ZNF750: variants seen among roughly 807,000 people sequenced by gnomAD.
ZNF750 encodes zinc finger protein 750.
In ZNF750, 10 loss-of-function variants were observed where a neutral mutation model predicts 31.6. That is an observed-to-expected ratio of 0.32 (90% confidence interval 0.19 to 0.54). ZNF750 has a LOEUF of 0.54. Ranked by LOEUF, ZNF750 falls within the 20% of genes least tolerant of loss-of-function variation. ZNF750 has a pLI of 0.95. For synonymous variants in ZNF750, 400 were observed against 404.9 expected (o/e 0.99, Z 0.15); for missense variants, 914 against 934.9 (o/e 0.98, Z 0.29).
At position 82,829,920 on chromosome 17, in the gene ZNF750, G is replaced by A. The variant is rs2053324470; in HGVS notation, c.*222C>T. On this transcript the variant is annotated 3_prime_UTR_variant, in exon 3 of 3. Coordinates refer to ENST00000269394, the MANE Select transcript of ZNF750 (RefSeq NM_024702.3). ...ACATATCAGTCTTAGAGTCATTCAG[G>A]TGTTTTTACAACCAAAAGTAGAAGC... The A allele has an allele frequency of 4.5e-6, 3 of 662,062 alleles. No homozygotes were observed. Among genetic ancestry groups the A allele is most frequent in the African/African-American group, 3.6e-5 (2 of 54,862 alleles). 41.0% of individuals were successfully genotyped at this position (662,062 alleles called of 1,614,324 possible). A position where few individuals can be genotyped will look rare whatever the true frequency, so the allele number is the denominator to read the frequency against.
chr17:82,838,715 AACCAAG>A (rs1431519709), intron 1 of ZNF750: 2 of 985,312 alleles, frequency 2.0e-6, no homozygotes, highest in Non-Finnish European at 2.4e-6. Context: ...ACCTCAGGAC[AACCAAG>A]ACCTGGGGAA....
At chr17:82,837,897 A>G (rs1265509030) in intron 1 of ZNF750, among the ~76,000 whole-genome samples, 3 of 152,370 alleles carry the variant, frequency 2.0e-5, no homozygotes, top group South Asian at 4.1e-4. Flanking sequence ...CAGTGTCTAC[A>G]CTAAAGGGCG....
Position 82,832,656 on chromosome 17 carries a change from T to C in ZNF750, c.-182-20A>G, listed in dbSNP as rs2053619969. On this transcript the variant is annotated intron_variant, in intron 1 of 2. Coordinates refer to ENST00000269394, the MANE Select transcript of ZNF750 (RefSeq NM_024702.3). This position sits in a 1 kb window ranked among gnomAD's most constrained non-coding sequence, Gnocchi z 4.9. ...TGGGAGCTGTAATAAAGAGCAGTCTTGGTGTCAGGACAGCGAGTGAGGGGT... is the reference window on the plus strand; with the variant it reads ...TGGGAGCTGTAATAAAGAGCAGTCTCGGTGTCAGGACAGCGAGTGAGGGGT... 1.6e-6 allele frequency: 1 copy of C among 617,094 alleles called. No homozygotes were observed. The highest frequency in any genetic ancestry group is 2.9e-6 in the Non-Finnish European group (1 of 349,674). 38.2% of individuals were successfully genotyped at this position (617,094 alleles called of 1,614,324 possible). A position where few individuals can be genotyped will look rare whatever the true frequency, so the allele number is the denominator to read the frequency against.
rs1004024032 is a variant in ZNF750, at chr17:82,830,575, G to A, written c.1739C>T (p.Ala580Val). 1.2e-6 allele frequency: 2 copies of A among 1,613,962 alleles called. No homozygotes were observed. Among genetic ancestry groups the A allele is most frequent in the Non-Finnish European group, 1.7e-6 (2 of 1,179,970 alleles). ...GRPRAAEPAAAVPQKTGTEGS... is the reference protein window; with the variant it reads ...GRPRAAEPAAVVPQKTGTEGS... ...TTCTGTCCCAGTCTTCTGTGGAACAGCAGCAGCAGGTTCTGCAGCTCGTGG... is the reference window on the plus strand; with the variant it reads ...TTCTGTCCCAGTCTTCTGTGGAACAACAGCAGCAGGTTCTGCAGCTCGTGG... The change falls in exon 3 of 3, where the codon GCT becomes GTT. Residue 580 changes from alanine (A) to valine (V), a missense_variant. This residue lies in a region of ZNF750 where 880 missense variants were observed against 868.9 expected (regional missense o/e 1.01). Transcript: ENST00000269394.
intron 1 of ZNF750, chr17:82,838,677 C>T (rs1398949891): frequency 3.0e-6 from 3 of 985,320 alleles, no homozygotes; most frequent in African/African-American, 3.5e-5. Flanking sequence ...TCCCTCCCAG[C>T]CTTTCGGTTC....
chr17:82,830,153 G>A lies in ZNF750; in HGVS notation c.2161C>T (p.Arg721Trp). 8.1e-6 allele frequency: 13 copies of A among 1,613,850 alleles called. No homozygotes were observed. Among genetic ancestry groups the A allele is most frequent in the Non-Finnish European group, 1.1e-5 (13 of 1,180,028 alleles). ...ARVFTLRRRA[R>W]VS ...GTGTGAACCCGGCGTTAGGACACCC[G>A]GGCCCTCCTTCGTAGTGTGAACACT... Residue 721 changes from arginine to tryptophan, a missense_variant, in exon 3 of 3, where the codon CGG becomes TGG. Physicochemically the swap from Arg to Trp is moderately radical, Grantham distance 101. Transcript: ENST00000269394.
rs913038982 is a variant in ZNF750 at position 82,835,767 on chromosome 17, A to G, written c.-182-3131T>C. 1.2e-4 allele frequency among the ~76,000 whole-genome samples: 19 copies of G among 152,108 alleles called. No homozygotes were observed. Among genetic ancestry groups the G allele is most frequent in the African/African-American group, 4.3e-4 (18 of 41,412 alleles). ...TAAAAACACAACCACCCTTCCCCCTACAAACTGCCTCTATTAACATACTTT... is the reference window on the plus strand; with the variant it reads ...TAAAAACACAACCACCCTTCCCCCTGCAAACTGCCTCTATTAACATACTTT... On this transcript the variant is annotated intron_variant, in intron 1 of 2. Transcript: ENST00000269394. This position sits in a 1 kb window ranked among gnomAD's most constrained non-coding sequence, Gnocchi z 4.5.
At position 82,831,217 on chromosome 17, in the gene ZNF750, C is replaced by T. The variant is rs757683345; in HGVS notation, c.1238G>A (p.Gly413Glu). The T allele has an allele frequency of 3.5e-5, 56 of 1,613,926 alleles. No individual in the cohort carries two copies. The highest frequency in any genetic ancestry group is 4.5e-5 in the Non-Finnish European group (53 of 1,180,040). The change falls in exon 2 of 3, where the codon GGG (glycine) becomes GAG (glutamate). Residue 413 changes from glycine to glutamate, a missense_variant. Physicochemically the swap from Gly to Glu is moderately conservative, Grantham distance 98. Around this residue, in one of 2 missense-constraint regions of ZNF750, gnomAD observed 880 missense variants for 868.9 expected, o/e 1.01. Transcript: ENST00000269394. The surrounding 1 kb of genome is among the most constrained non-coding windows in gnomAD (Gnocchi z 4.6). Reference sequence around the variant, plus strand: ...CATGAAGTCGGTGGGGCTCGGCCTCCCTGGGGAGCCCGTGGCTGCACTCCC... The same window carrying T: ...CATGAAGTCGGTGGGGCTCGGCCTCTCTGGGGAGCCCGTGGCTGCACTCCC... Reference protein sequence around the residue: ...RAGSAATGSPGRPSPTDFMQT... With the variant: ...RAGSAATGSPERPSPTDFMQT...
chr17:82,833,699 A>G lies in ZNF750; in HGVS notation c.-182-1063T>C, dbSNP rs1298683974. On this transcript the variant is annotated intron_variant, in intron 1 of 2. Coordinates refer to ENST00000269394, the MANE Select transcript of ZNF750 (RefSeq NM_024702.3). The surrounding 1 kb of genome is among the most constrained non-coding windows in gnomAD (Gnocchi z 4.7). The stretch of plus-strand genomic sequence containing the variant: ...ACACTCCTGCCCGAGAGGAGACCAG[A>G]GTGAGTAGTATCCGCTTTAGAGATG... Among the ~76,000 whole-genome samples, 1 of 152,132 alleles carries G rather than the reference A, an allele frequency of 6.6e-6. No individual in the cohort carries two copies. Among genetic ancestry groups the G allele is most frequent in the Non-Finnish European group, 1.5e-5 (1 of 68,018 alleles).
At position 82,835,101 on chromosome 17, in the gene ZNF750, G is replaced by A. The variant is rs975563759; in HGVS notation, c.-182-2465C>T. On this transcript the variant is annotated intron_variant, in intron 1 of 2. Coordinates refer to ENST00000269394, the MANE Select transcript of ZNF750 (RefSeq NM_024702.3). This position sits in a 1 kb window ranked among gnomAD's most constrained non-coding sequence, Gnocchi z 4.5. The stretch of plus-strand genomic sequence containing the variant: ...TAAATGGAAATGACTTAAGAAAACT[G>A]TTTCAACTGCAGTATTTTTTTTAAG... Among the ~76,000 whole-genome samples, 1 of 152,108 alleles carries A rather than the reference G, an allele frequency of 6.6e-6. No homozygotes were observed. Among genetic ancestry groups the A allele is most frequent in the Middle Eastern group, 3.2e-3 (1 of 316 alleles).
chr17:82,836,723 A>C (rs557502524), intron 1 of ZNF750, among the ~76,000 whole-genome samples: 22 of 151,702 alleles, frequency 1.5e-4, no homozygotes, highest in Non-Finnish European at 2.2e-4. Context: ...ACCAAAAAAC[A>C]AAAAAACAAA....
At chr17:82,834,839 C>A (rs554347207) in intron 1 of ZNF750, among the ~76,000 whole-genome samples, 24 of 152,178 alleles carry the variant, frequency 1.6e-4, no homozygotes, top group Non-Finnish European at 3.4e-4. Flanking sequence ...ACCTGTGTAA[C>A]CTACACGTTC....
chr17:82,836,453 C>T (rs1453744839), intron 1 of ZNF750, among the ~76,000 whole-genome samples: 1 of 152,240 alleles, frequency 6.6e-6, no homozygotes, highest in African/African-American at 2.4e-5. Flanking sequence ...CCTCGCGAGA[C>T]CGAAACGCCG....
Position 82,831,867 on chromosome 17 carries a change from G to T in ZNF750, c.588C>A (p.Thr196=). The change falls in exon 2 of 3, where the codon ACC becomes ACA. Residue 196 remains threonine, a synonymous_variant. Transcript: ENST00000269394. The surrounding 1 kb of genome is among the most constrained non-coding windows in gnomAD (Gnocchi z 4.6). ...AGCCAGGAGTGTGGAAGGCCGACTTGGTGTGGAAAGACACGGCCTTGGCAG... is the reference window on the plus strand; with the variant it reads ...AGCCAGGAGTGTGGAAGGCCGACTTTGTGTGGAAAGACACGGCCTTGGCAG... ...NPTAKAVSFH[T]KSAFHTPGYP... is the part of the protein sequence containing the mutation. 6.2e-7 allele frequency: 1 copy of T among 1,614,214 alleles called. No homozygotes were observed. Among genetic ancestry groups the T allele is most frequent in the Non-Finnish European group, 8.5e-7 (1 of 1,180,030 alleles).
intron 1 of ZNF750, among the ~76,000 whole-genome samples, chr17:82,837,541 C>A (rs765240300): frequency 6.6e-6 from 1 of 152,170 alleles, no homozygotes; most frequent in African/African-American, 2.4e-5. Flanking sequence ...GCCCGGAGAG[C>A]TGTCTGTCTG....
In ZNF750 at chr17:82,830,007, G is replaced by A. The variant is rs1444626257; in HGVS notation, c.*135C>T. 2 of 1,390,866 alleles carry A rather than the reference G, an allele frequency of 1.4e-6. No homozygotes were observed. Among genetic ancestry groups the A allele is most frequent in the Admixed American group, 2.1e-5 (1 of 46,604 alleles). The allele number at this position is 1,390,866 out of a possible 1,614,324, so 86.2% of individuals were successfully genotyped here. A position where few individuals can be genotyped will look rare whatever the true frequency, so the allele number is the denominator to read the frequency against. On this transcript the variant is annotated 3_prime_UTR_variant, in exon 3 of 3. Coordinates refer to ENST00000269394, the MANE Select transcript of ZNF750 (RefSeq NM_024702.3). ...GAATTGGAGGGTTTTTTGTTTGTTT[G>A]TTTGTTTGTTTTTTTGAGAAGCAGC...
chr17:82,839,480 CATAT>C (rs930011052), intron 1 of ZNF750, among the ~76,000 whole-genome samples: 1 of 151,816 alleles, frequency 6.6e-6, no homozygotes, highest in Non-Finnish European at 1.5e-5. Flanking sequence ...ATACACCACA[CATAT>C]ATATAACCCT....
chr17:82,836,768 C>G (rs899141878), intron 1 of ZNF750, among the ~76,000 whole-genome samples: 10 of 152,068 alleles, frequency 6.6e-5, no homozygotes, highest in Admixed American at 3.9e-4. Context: ...TAGATTTTCT[C>G]AAAAGCTTTA....
chr17:82,829,900 T>A lies in ZNF750; in HGVS notation c.*242A>T, dbSNP rs1284124795. 1.7e-6 allele frequency: 1 copy of A among 583,584 alleles called. No homozygotes were observed. Among genetic ancestry groups the A allele is most frequent in the Non-Finnish European group, 3.0e-6 (1 of 336,752 alleles). 36.2% of individuals were successfully genotyped at this position (583,584 alleles called of 1,614,324 possible). A position where few individuals can be genotyped will look rare whatever the true frequency, so the allele number is the denominator to read the frequency against. On this transcript the variant is annotated 3_prime_UTR_variant, in exon 3 of 3. Coordinates refer to ENST00000269394, the MANE Select transcript of ZNF750 (RefSeq NM_024702.3). ...GACAGCTTAGACTTGAAAATACATA[T>A]CAGTCTTAGAGTCATTCAGGTGTTT...
Sources: allele counts gnomAD v4.1 joint callset (sites outside exome capture counted in the v4.1 genomes callset), GRCh38; gene constraint gnomAD v4.1.1; regional missense constraint gnomAD v4.1.1; non-coding constraint Gnocchi (gnomAD v3.1); transcripts MANE v1.5; gene names NCBI Gene and HGNC (gene_info 2026-07-23, HGNC 2026-07-21).